ALLC: variants seen among roughly 807,000 people sequenced by gnomAD.
ALLC encodes allantoicase.
A neutral mutation model predicts 45.0 loss-of-function variants in ALLC; 40 were observed. The ratio of observed to expected loss-of-function variants is 0.89; its 90% CI spans 0.69 to 1.16. The LOEUF (loss-of-function observed/expected upper bound fraction) is 1.16, where lower values mean the gene tolerates loss of function less well. ALLC is among the 50% of genes most tolerant of loss of function. ALLC has a pLI of 0.00. For synonymous variants in ALLC, 176 were observed against 178.1 expected (o/e 0.99, Z 0.09); for missense variants, 488 against 493.1 (o/e 0.99, Z 0.10).
intron 8 of ALLC, 107 bp from the exon 9 acceptor site, chr2:3,696,168 T>C (rs1283058283): frequency 1.4e-5 from 12 of 881,840 alleles, no homozygotes; most frequent in African/African-American, 3.4e-5. Context: ...AAATAACTTA[T>C]GTAGCAATGC....
At chr2:3,667,449 C>T (rs1258047432) in intron 1 of ALLC, among the ~76,000 whole-genome samples, 5 of 152,344 alleles carry the variant, frequency 3.3e-5, no homozygotes, top group South Asian at 4.1e-4. Flanking sequence ...CGAGCTCCAG[C>T]GCTCTTCCAG....
the ALLC span, among the ~76,000 whole-genome samples, chr2:3,647,917 C>G: frequency 6.6e-6 from 1 of 152,198 alleles, no homozygotes; most frequent in Non-Finnish European, 1.5e-5. Context: ...GAGAAACAGA[C>G]CTGGAGGTTG....
chr2:3,650,464 C>T, the ALLC span, among the ~76,000 whole-genome samples: 3 of 152,194 alleles, frequency 2.0e-5, no homozygotes, highest in Non-Finnish European at 2.9e-5. Flanking sequence ...CAGCGCACCA[C>T]GGTGACTGTC....
intron 3 of ALLC, among the ~76,000 whole-genome samples, 189 bp from the exon 4 acceptor site, chr2:3,678,279 C>T (rs1257901799): frequency 2.0e-5 from 3 of 152,242 alleles, no homozygotes; most frequent in African/African-American, 4.8e-5. Flanking sequence ...ATTTCTTTCT[C>T]TGAAGATGAT....
At chr2:3,690,486 G>A (rs1367118951) in intron 7 of ALLC, among the ~76,000 whole-genome samples, 1 of 120,126 alleles carries the variant, frequency 8.3e-6, no homozygotes, top group African/African-American at 3.2e-5. Context: ...CTTTCTTTCT[G>A]CCTTAGTGGT....
intron 10 of ALLC, among the ~76,000 whole-genome samples, 165 bp downstream of exon 10, chr2:3,697,621 G>GTCTGTCTGTCTGTCTATCTATCTATCTA (rs1354630765): frequency 4.0e-5 from 5 of 125,326 alleles, no homozygotes; most frequent in African/African-American, 1.4e-4. Flanking sequence ...CTGTCTGTCT[G>GTCTGTCTGTCTGTCTATCTATCTATCTA]TCTATCTATC....
chr2:3,653,921 C>T (rs916563812), upstream of ALLC, among the ~76,000 whole-genome samples: 7 of 152,320 alleles, frequency 4.6e-5, no homozygotes, highest in African/African-American at 1.4e-4. This position sits in a 1 kb window ranked among gnomAD's most constrained non-coding sequence, Gnocchi z 4.1. Context: ...GGCTGTGTAA[C>T]GAATTATCCC....
intron 5 of ALLC, among the ~76,000 whole-genome samples, chr2:3,681,085 C>T (rs750251801): frequency 6.6e-5 from 10 of 152,140 alleles, no homozygotes; most frequent in East Asian, 1.9e-4. Flanking sequence ...ATGTGCACAG[C>T]GCTGCATGAG....
At chr2:3,666,025 G>A (rs1481087279) in intron 1 of ALLC, among the ~76,000 whole-genome samples, 1 of 152,198 alleles carries the variant, frequency 6.6e-6, no homozygotes, top group Non-Finnish European at 1.5e-5. Context: ...GGAATGCTCT[G>A]TGTAGGTTAT....
chr2:3,672,037 A>G (rs75695988), intron 2 of ALLC, among the ~76,000 whole-genome samples: 50 of 72,786 alleles, frequency 6.9e-4, no homozygotes, highest in East Asian at 8.8e-4. Context: ...CTCTGGCTCT[A>G]GTTAGACCTG....
In ALLC at chr2:3,680,048, C is replaced by T. The variant is rs1667136304; in HGVS notation, c.298+54C>T. The stretch of plus-strand genomic sequence containing the variant: ...GAGAATTATGGGTCACATGGCTCCT[C>T]TGGCCAGCCACAGCCCCACAACTGC... On this transcript the variant is annotated intron_variant, in intron 5 of 11. Transcript: ENST00000252505. The surrounding 1 kb of genome is among the most constrained non-coding windows in gnomAD (Gnocchi z 4.0). 1 of 1,607,276 alleles carries T rather than the reference C, an allele frequency of 6.2e-7. No homozygotes were observed. Among genetic ancestry groups the T allele is most frequent in the East Asian group, 2.2e-5 (1 of 44,700 alleles).
chr2:3,681,526 C>A, intron 5 of ALLC, 108 bp from the exon 6 acceptor site: 1 of 681,896 alleles, frequency 1.5e-6, no homozygotes, highest in Non-Finnish European at 2.4e-6. Context: ...TTCGAAATAT[C>A]TTTAGTGTTA....
rs569681466 is a variant in ALLC, at chr2:3,664,906, A to ACC, written c.-62-6182_-62-6181dup. Among the ~76,000 whole-genome samples, 531 of 145,238 alleles carry ACC rather than the reference A, an allele frequency of 3.7e-3. 9 individuals carry two copies. Among genetic ancestry groups the ACC allele is most frequent in the African/African-American group, 0.013 (502 of 39,226 alleles). On this transcript the variant is annotated intron_variant, in intron 1 of 11. Transcript: ENST00000252505. ...CTCCAAAAAAAAAAACAAAACCAAA[A>ACC]CCCCCCCCCAAACCAGATGTTTCCA...
chr2:3,654,329 C>T (rs112953197), upstream of ALLC, among the ~76,000 whole-genome samples: 1,334 of 152,360 alleles, frequency 8.8e-3, 24 homozygotes, highest in African/African-American at 0.031. Flanking sequence ...ATCCCCCACA[C>T]GGGAGGAAAA....
intron 9 of ALLC, among the ~76,000 whole-genome samples, chr2:3,697,006 T>C (rs1489098861): frequency 6.6e-6 from 1 of 152,188 alleles, no homozygotes; most frequent in African/African-American, 2.4e-5. Context: ...CAACAAAATA[T>C]GTACCTTAAA....
chr2:3,697,676 A>G (rs1572533952), intron 10 of ALLC, among the ~76,000 whole-genome samples: 1 of 144,348 alleles, frequency 6.9e-6, no homozygotes, highest in South Asian at 2.2e-4. Flanking sequence ...TCTTTTATTT[A>G]TTTTTTTGAG....
intron 1 of ALLC, among the ~76,000 whole-genome samples, chr2:3,658,738 C>T (rs1046308196): frequency 2.6e-5 from 4 of 151,848 alleles, no homozygotes; most frequent in Admixed American, 2.0e-4. Context: ...CATGGTGGTG[C>T]GTGCCTGTGG....
intron 7 of ALLC, among the ~76,000 whole-genome samples, chr2:3,693,800 C>A (rs1667585899): frequency 6.6e-6 from 1 of 152,154 alleles, no homozygotes; most frequent in Admixed American, 6.5e-5. Flanking sequence ...CCAGCCTGGC[C>A]AACATGGGGA....
rs748771853 is a variant in ALLC at position 3,680,465 on chromosome 2, G to A, written c.298+471G>A. Among the ~76,000 whole-genome samples, 5 of 152,064 alleles carry A rather than the reference G, an allele frequency of 3.3e-5. No homozygotes were observed. Among genetic ancestry groups the A allele is most frequent in the Non-Finnish European group, 5.9e-5 (4 of 68,042 alleles). ...TTCCTATCTGCATCTTGGAATGCTG[G>A]ACCTATGAATCCTGCAGGCTCTATA... On this transcript the variant is annotated intron_variant, in intron 5 of 11. Transcript: ENST00000252505. This position sits in a 1 kb window ranked among gnomAD's most constrained non-coding sequence, Gnocchi z 4.0.
Sources: gnomAD v4.1 joint callset for allele counts (sites outside exome capture counted in the v4.1 genomes callset) on GRCh38, gnomAD v4.1.1 for gene constraint, Gnocchi (gnomAD v3.1) non-coding constraint, MANE v1.5 for transcripts, NCBI Gene and HGNC (gene_info 2026-07-23, HGNC 2026-07-21) for gene names.